CDH4: variants seen among roughly 807,000 people sequenced by gnomAD.
CDH4 encodes cadherin 4.
In CDH4, 33 loss-of-function variants were observed where a neutral mutation model predicts 86.0. The observed-to-expected ratio is 0.38, with a 90% CI of 0.29 to 0.51. The LOEUF is 0.51. Ranked by LOEUF, CDH4 falls within the 20% of genes least tolerant of loss-of-function variation. CDH4 has a pLI of 0.86. For synonymous variants in CDH4, 555 were observed against 549.4 expected, an observed-to-expected ratio of 1.01 and a Z score of -0.14; for missense variants, 1,114 against 1,307.4, an observed-to-expected ratio of 0.85 and a Z score of 2.28.
chr20:61,792,693 C>G (rs555346333), intron 4 of CDH4, among the ~76,000 whole-genome samples: 1 of 151,562 alleles, frequency 6.6e-6, no homozygotes, highest in Non-Finnish European at 1.5e-5. Context: ...TCTGATGGCC[C>G]GGGCTGGAGT....
chr20:61,494,309 G>T (rs368531462), intron 2 of CDH4, among the ~76,000 whole-genome samples: 2 of 152,272 alleles, frequency 1.3e-5, no homozygotes, highest in East Asian at 3.9e-4. Context: ...TGTGCAAATC[G>T]CTGAAATCTA....
At chr20:61,672,584 T>G (rs1164836170) in intron 2 of CDH4, among the ~76,000 whole-genome samples, 25 of 152,072 alleles carry the variant, frequency 1.6e-4, no homozygotes, top group Admixed American at 1.6e-3. Flanking sequence ...GTGATTCCAA[T>G]GAGTGAAACT....
intron 2 of CDH4, among the ~76,000 whole-genome samples, chr20:61,574,143 C>G (rs930290147): frequency 6.6e-6 from 1 of 152,264 alleles, no homozygotes; most frequent in Non-Finnish European, 1.5e-5. Flanking sequence ...CTGGAGCTTG[C>G]TGGGCGTGGT....
chr20:61,569,294 T>G (rs936521201), intron 2 of CDH4, among the ~76,000 whole-genome samples: 2 of 152,226 alleles, frequency 1.3e-5, no homozygotes, highest in Non-Finnish European at 2.9e-5. Flanking sequence ...GCTCTGATTT[T>G]CATCTCTTGT....
At chr20:61,777,808 AAAAACACACATCCACAT>A (rs1255538902) in intron 4 of CDH4, among the ~76,000 whole-genome samples, 1 of 144,202 alleles carries the variant, frequency 6.9e-6, no homozygotes, top group Non-Finnish European at 1.5e-5. Context: ...ACGTGCATAC[AAAAACACACATCCACAT>A]GCGCACGCAC....
intron 2 of CDH4, among the ~76,000 whole-genome samples, chr20:61,667,550 C>T (rs2087340625): frequency 6.6e-6 from 1 of 152,254 alleles, no homozygotes; most frequent in Non-Finnish European, 1.5e-5. Context: ...GACGGCCCCA[C>T]TGCACCAGCT....
intron 4 of CDH4, among the ~76,000 whole-genome samples, chr20:61,778,867 T>C (rs1978382367): frequency 6.6e-6 from 1 of 152,200 alleles, no homozygotes. Flanking sequence ...GAATTCTGGC[T>C]CTGGACTGGA....
At chr20:61,932,912 C>G in intron 13 of CDH4, 73 bp from the exon 14 acceptor site, 1 of 1,562,976 alleles carries the variant, frequency 6.4e-7, no homozygotes, top group Non-Finnish European at 8.7e-7. Context: ...CCCACATAGA[C>G]ACATGGCAAA....
chr20:61,484,303 G>A lies in CDH4; in HGVS notation c.169+229366G>A, dbSNP rs147232006. Among the ~76,000 whole-genome samples, 20 of 152,214 alleles carry A rather than the reference G, an allele frequency of 1.3e-4. 1 individual carries two copies. The highest frequency in any genetic ancestry group is 2.6e-4 in the Admixed American group (4 of 15,292). On this transcript the variant is annotated intron_variant, in intron 2 of 15. Coordinates refer to ENST00000614565, the MANE Select transcript of CDH4 (RefSeq NM_001794.5). ...CATCTCCTTCCTGAAATGCAAATAT[G>A]CACTCTTGTCTTTTCTGAACTTCTG...
chr20:61,602,006 C>T (rs1316713872), intron 2 of CDH4, among the ~76,000 whole-genome samples: 1 of 152,244 alleles, frequency 6.6e-6, no homozygotes, highest in Non-Finnish European at 1.5e-5. Context: ...AGCCAAGCTG[C>T]AGGACGCCAA....
intron 2 of CDH4, among the ~76,000 whole-genome samples, chr20:61,388,010 G>A (rs988463683): frequency 6.6e-6 from 1 of 152,234 alleles, no homozygotes; most frequent in Admixed American, 6.5e-5. Flanking sequence ...ATAAATGGGT[G>A]TCTATAATTT....
Position 61,807,427 on chromosome 20 carries a change from G to A in CDH4, c.576+34245G>A, listed in dbSNP as rs1980196257. Among the ~76,000 whole-genome samples the A allele has an allele frequency of 6.6e-6, 1 of 152,202 alleles. No individual in the cohort carries two copies. ...TAACAGGGTGTCTGGGTACCTAAAT[G>A]TCGGAATTTGAGGCTATTCAAGTTC... is the stretch of plus-strand genomic sequence containing the variant. On this transcript the variant is annotated intron_variant, in intron 4 of 15. Coordinates refer to ENST00000614565, the MANE Select transcript of CDH4 (RefSeq NM_001794.5). The surrounding 1 kb of genome is among the most constrained non-coding windows in gnomAD (Gnocchi z 4.5).
intron 2 of CDH4, among the ~76,000 whole-genome samples, chr20:61,559,593 C>T (rs1251272951): frequency 4.5e-5 from 6 of 132,798 alleles, no homozygotes; most frequent in South Asian, 2.4e-4. Flanking sequence ...GGTGTGATCT[C>T]GGCTCACTGC....
rs1282822940 is a variant in CDH4 at position 61,447,678 on chromosome 20, G to A, written c.169+192741G>A. ...GATGGTGCATGGAAAATTTTAATACGATGCATGGGAAGGGAGGAGAAGAGG... is the reference window on the plus strand; with the variant it reads ...GATGGTGCATGGAAAATTTTAATACAATGCATGGGAAGGGAGGAGAAGAGG... On this transcript the variant is annotated intron_variant, in intron 2 of 15. Transcript: ENST00000614565. Among the ~76,000 whole-genome samples the A allele has an allele frequency of 6.7e-5, 9 of 134,304 alleles. No individual in the cohort carries two copies. The Admixed American group carries it at 7.6e-4, about 11-fold the overall frequency. The allele number at this position is 134,304 out of a possible 152,430, so 88.1% of individuals were successfully genotyped here.
At position 61,582,950 on chromosome 20, in the gene CDH4, G is replaced by GGC. The variant is rs1012134257; in HGVS notation, c.170-160612_170-160611dup. Among the ~76,000 whole-genome samples the GGC allele has an allele frequency of 3.3e-5, 5 of 151,858 alleles. No homozygotes were observed. The highest frequency in any genetic ancestry group is 7.4e-5 in the Non-Finnish European group (5 of 67,980). On this transcript the variant is annotated intron_variant, in intron 2 of 15. Transcript: ENST00000614565. This position sits in a 1 kb window ranked among gnomAD's most constrained non-coding sequence, Gnocchi z 4.2. ...CGCCTTCTGCGCCCCCATGGCCCCC[G>GGC]GCCCTAGGCAGCCACTAATCTACTT...
intron 2 of CDH4, among the ~76,000 whole-genome samples, chr20:61,672,400 G>A (rs936090009): frequency 4.6e-5 from 7 of 152,102 alleles, no homozygotes; most frequent in African/African-American, 1.2e-4. Context: ...ATTCCAAGAC[G>A]AATTATGCAA....
intron 2 of CDH4, among the ~76,000 whole-genome samples, chr20:61,730,449 C>T (rs150133981): frequency 6.6e-6 from 1 of 152,200 alleles, no homozygotes. Flanking sequence ...AGCAACATGT[C>T]CTTAATGCTC....
chr20:61,396,936 A>C (rs2085020868), intron 2 of CDH4, among the ~76,000 whole-genome samples: 1 of 152,176 alleles, frequency 6.6e-6, no homozygotes, highest in African/African-American at 2.4e-5. Context: ...TTTTTGAGAC[A>C]GTCTCACTTT....
At chr20:61,927,016 C>T (rs1057442476) in intron 11 of CDH4, among the ~76,000 whole-genome samples, 6 of 152,250 alleles carry the variant, frequency 3.9e-5, no homozygotes, top group Admixed American at 1.3e-4. Flanking sequence ...CCTGTCTGTG[C>T]TTCTCCGATC....
Sources: gnomAD v4.1 joint callset for allele counts (sites outside exome capture counted in the v4.1 genomes callset) on GRCh38, gnomAD v4.1.1 for gene constraint, Gnocchi (gnomAD v3.1) non-coding constraint, MANE v1.5 for transcripts, NCBI Gene and HGNC (gene_info 2026-07-23, HGNC 2026-07-21) for gene names.